Variants in ULK4 observed in about 807,000 individuals in gnomAD.
ULK4 encodes unc-51 like kinase 4.
Under a neutral mutation model 160.6 loss-of-function variants are expected in ULK4, and 133 were observed. The ratio of observed to expected loss-of-function variants is 0.83; its 90% CI spans 0.72 to 0.96. ULK4 has a LOEUF of 0.96. ULK4 is among the 40% of genes least tolerant of loss of function. The pLI is 0.00. For missense variants in ULK4, 1,580 were observed against 1,499.5 expected, an observed-to-expected ratio of 1.05 and a Z score of -0.89; for synonymous variants, 534 against 539.8, an observed-to-expected ratio of 0.99 and a Z score of 0.15.
rs180893342 is a variant in ULK4 at position 41,885,145 on chromosome 3, C to A, written c.1578-1193G>T. The stretch of plus-strand genomic sequence containing the variant: ...CTGGGATTACAGGCTTGAGACACTG[C>A]ATCTGTCTATCTCTTTTCAAAGACA... On this transcript the variant is annotated intron_variant, in intron 16 of 36. Coordinates refer to ENST00000301831, the MANE Select transcript of ULK4 (RefSeq NM_017886.4). Among the ~76,000 whole-genome samples, 270 of 152,270 alleles carry A rather than the reference C, an allele frequency of 1.8e-3. 2 individuals are homozygous for A. Among genetic ancestry groups the A allele is most frequent in the Non-Finnish European group, 2.2e-3 (148 of 68,024 alleles).
chr3:41,278,659 G>C lies in ULK4; in HGVS notation c.3679-29085C>G, dbSNP rs560810762. ...CTGCTGGTGATACCCAGGCAAAAAG[G>C]GTCTGGAGTGGACCTCCAGCAAACC... On this transcript the variant is annotated intron_variant, in intron 35 of 36. Transcript: ENST00000301831. 3.1e-3 allele frequency among the ~76,000 whole-genome samples: 468 copies of C among 152,234 alleles called. 1 individual carries two copies. The highest frequency in any genetic ancestry group is 0.011 in the African/African-American group (448 of 41,532).
At chr3:41,866,068 A>C (rs769747616) in intron 17 of ULK4, among the ~76,000 whole-genome samples, 2 of 137,950 alleles carry the variant, frequency 1.4e-5, no homozygotes, top group African/African-American at 6.7e-5. Context: ...ATGTTTACAC[A>C]GACAAGAACA....
chr3:41,715,337 TACA>T (rs781085207), intron 24 of ULK4, 44 bp from the exon 25 acceptor site: 30 of 1,611,670 alleles, frequency 1.9e-5, no homozygotes, highest in South Asian at 2.2e-5. Context: ...GGAAGCTATG[TACA>T]ACGTTAGCTC....
chr3:41,804,239 A>T (rs2040563450), intron 19 of ULK4, among the ~76,000 whole-genome samples: 1 of 152,068 alleles, frequency 6.6e-6, no homozygotes, highest in Non-Finnish European at 1.5e-5. Context: ...ATGGCCAGTG[A>T]TGGTGAGCAT....
intron 31 of ULK4, among the ~76,000 whole-genome samples, chr3:41,606,162 T>A (rs1272111325): frequency 6.6e-6 from 1 of 151,526 alleles, no homozygotes; most frequent in African/African-American, 2.4e-5. Context: ...CTCAAGCCAA[T>A]CAACTAAGCT....
intron 29 of ULK4, among the ~76,000 whole-genome samples, chr3:41,677,543 G>A (rs1273075120): frequency 6.6e-6 from 1 of 150,494 alleles, no homozygotes; most frequent in African/African-American, 2.4e-5. Context: ...ATGTTAGCCA[G>A]GATGGTCTCA....
rs76201095 is a variant in ULK4, at chr3:41,624,407, C to T, written c.3072-8690G>A. On this transcript the variant is annotated intron_variant, in intron 30 of 36. Coordinates refer to ENST00000301831, the MANE Select transcript of ULK4 (RefSeq NM_017886.4). ...ATCACTCACAACACCGGCCCTTTAA[C>T]GGTAGTATTTTAAACTATATTCTAC... 8.8e-4 allele frequency among the ~76,000 whole-genome samples: 134 copies of T among 152,178 alleles called. No individual in the cohort carries two copies. In the East Asian group the frequency reaches 0.014, roughly 15 times the overall value.
chr3:41,869,260 C>A (rs745329872), intron 17 of ULK4, among the ~76,000 whole-genome samples: 1 of 151,782 alleles, frequency 6.6e-6, no homozygotes, highest in Non-Finnish European at 1.5e-5. Context: ...AGAACATATA[C>A]AATATTAGCT....
rs573284475 is a variant in ULK4 at position 41,473,183 on chromosome 3, C to T, written c.3227-9930G>A. ...CATTTTCCTCTAAGATCCAGAGGAA[C>T]ACAAGGATGCCCACTCTTGCCACTT... On this transcript the variant is annotated intron_variant, in intron 32 of 36. Coordinates refer to ENST00000301831, the MANE Select transcript of ULK4 (RefSeq NM_017886.4). 5.9e-5 allele frequency among the ~76,000 whole-genome samples: 9 copies of T among 152,218 alleles called. No individual in the cohort carries two copies. In the South Asian group the frequency reaches 1.5e-3, roughly 25 times the overall value.
At chr3:41,484,667 T>C (rs1278448712) in intron 32 of ULK4, among the ~76,000 whole-genome samples, 1 of 152,126 alleles carries the variant, frequency 6.6e-6, no homozygotes, top group African/African-American at 2.4e-5. Flanking sequence ...TTAGCCAGGA[T>C]GGTCTTGATC....
chr3:41,875,710 ATG>A (rs1491438110), intron 17 of ULK4, among the ~76,000 whole-genome samples: 14 of 142,538 alleles, frequency 9.8e-5, no homozygotes, highest in African/African-American at 1.9e-4. Flanking sequence ...CATTTCCTGA[ATG>A]TTTTTTTTTA....
intron 32 of ULK4, among the ~76,000 whole-genome samples, chr3:41,471,295 G>A (rs1211368840): frequency 6.6e-6 from 1 of 152,018 alleles, no homozygotes; most frequent in Non-Finnish European, 1.5e-5. Context: ...TCAACAAGAG[G>A]ATATAACAAC....
chr3:41,715,363 A>G, intron 24 of ULK4, 70 bp from the exon 25 acceptor site: 1 of 1,609,292 alleles, frequency 6.2e-7, no homozygotes, highest in South Asian at 1.1e-5. Context: ...TAAAAAAAAA[A>G]TGTTTTGAGT....
At chr3:41,825,809 C>T (rs576180756) in intron 18 of ULK4, among the ~76,000 whole-genome samples, 16 of 152,152 alleles carry the variant, frequency 1.1e-4, no homozygotes, top group African/African-American at 2.9e-4. Context: ...ATACAGAGAA[C>T]GCCACAAAAA....
At chr3:41,596,948 A>G (rs1488122122) in intron 31 of ULK4, among the ~76,000 whole-genome samples, 1 of 152,150 alleles carries the variant, frequency 6.6e-6, no homozygotes, top group African/African-American at 2.4e-5. Flanking sequence ...TGTGCACCGT[A>G]CACTATTTAG....
chr3:41,305,916 C>T (rs1405714395), intron 35 of ULK4, among the ~76,000 whole-genome samples: 1 of 148,876 alleles, frequency 6.7e-6, no homozygotes, highest in Non-Finnish European at 1.5e-5. Flanking sequence ...GCTGCGACCC[C>T]GTCTGGGAGG....
Position 41,638,186 on chromosome 3 carries a change from G to A in ULK4, c.3072-22469C>T, listed in dbSNP as rs535423745. 6.0e-4 allele frequency among the ~76,000 whole-genome samples: 91 copies of A among 152,104 alleles called. 1 individual carries two copies. In the South Asian group the frequency reaches 0.017, roughly 29 times the overall value. On this transcript the variant is annotated intron_variant, in intron 30 of 36. Transcript: ENST00000301831. ...ATCAAAAAACAAACTCTACCAATTT[G>A]TTTTTTAAAAGTATGTTGTTATCTT...
intron 27 of ULK4, among the ~76,000 whole-genome samples, chr3:41,692,167 C>T (rs1026349897): frequency 6.6e-6 from 1 of 151,128 alleles, no homozygotes; most frequent in East Asian, 1.9e-4. Flanking sequence ...TAGCCAGGAT[C>T]GTCTCGATCT....
chr3:41,588,662 A>C (rs2031014753), intron 31 of ULK4, among the ~76,000 whole-genome samples: 2 of 152,192 alleles, frequency 1.3e-5, no homozygotes, highest in South Asian at 4.2e-4. Flanking sequence ...CTAATGCATA[A>C]AGCTTATTTT....
Sources: allele counts gnomAD v4.1 joint callset (sites outside exome capture counted in the v4.1 genomes callset), GRCh38; gene constraint gnomAD v4.1.1; transcripts MANE v1.5; gene names NCBI Gene and HGNC (gene_info 2026-07-23, HGNC 2026-07-21).